Variants in ATRX observed in about 807,000 individuals in gnomAD.
ATRX encodes the protein chromatin remodeler ATRX.
ATRX carries 12 observed loss-of-function variants against 172.6 expected under a neutral mutation model. The observed-to-expected ratio is 0.07, with a 90% CI of 0.04 to 0.11. ATRX has a LOEUF of 0.11. Ranked by LOEUF, ATRX falls within the 10% of genes least tolerant of loss-of-function variation. The pLI, the probability that ATRX is intolerant of heterozygous loss-of-function variation, is 1.00. For synonymous variants in ATRX, 674 were observed against 594.7 expected (o/e 1.13, Z -1.94); for missense variants, 1,368 against 1,767.4 (o/e 0.77, Z 4.05).
At chrX:77,742,466 G>A (rs2074912493) in intron 1 of ATRX, among the ~76,000 whole-genome samples, 1 of 111,845 alleles carries the variant, frequency 8.9e-6, no homozygotes. Flanking sequence ...CAGGGGAACT[G>A]TGAGACCCTG....
intron 1 of ATRX, among the ~76,000 whole-genome samples, chrX:77,781,173 G>A (rs1443524157): frequency 9.3e-6 from 1 of 107,628 alleles, no homozygotes; most frequent in African/African-American, 3.6e-5. Flanking sequence ...CGGGCGCGGT[G>A]GCTCACACCT....
At chrX:77,524,605 C>T (rs1056013973) in intron 30 of ATRX, among the ~76,000 whole-genome samples, 1 of 111,432 alleles carries the variant, frequency 9.0e-6, no homozygotes. Context: ...AATACTGACA[C>T]TAATTCCAAA....
At position 77,608,420 on chromosome X, in the gene ATRX, C is replaced by G. The variant is rs2067014542; in HGVS notation, c.5567-7856G>C. On this transcript the variant is annotated intron_variant, in intron 22 of 34. Transcript: ENST00000373344. ...GGCCAATGAAACAGAATAATTAACC[C>G]AGAAACAAGTTCACACACCTACAGT... is the stretch of plus-strand genomic sequence containing the variant. Among the ~76,000 whole-genome samples the G allele has an allele frequency of 3.7e-5, 4 of 108,388 alleles. No homozygotes were observed. In the South Asian group the frequency reaches 1.6e-3, roughly 44 times the overall value. The allele number at this position is 108,388 out of a possible 115,157, so 94.1% of individuals were successfully genotyped here. A position where few individuals can be genotyped will look rare whatever the true frequency, so the allele number is the denominator to read the frequency against.
At chrX:77,696,517 A>G in intron 5 of ATRX, 60 bp downstream of exon 5, 4 of 1,147,306 alleles carry the variant, frequency 3.5e-6, no homozygotes, top group Non-Finnish European at 4.8e-6. Flanking sequence ...CCAATTTTAT[A>G]AAAATGATGT....
At chrX:77,555,202 A>G (rs781903012) in intron 30 of ATRX, among the ~76,000 whole-genome samples, 13 of 111,581 alleles carry the variant, frequency 1.2e-4, no homozygotes, top group Admixed American at 4.8e-4. Flanking sequence ...TAAATAAGTC[A>G]GGAAACAACA....
chrX:77,635,374 G>A (rs782630876), intron 16 of ATRX, among the ~76,000 whole-genome samples: 5 of 111,242 alleles, frequency 4.5e-5, no homozygotes, highest in Non-Finnish European at 9.4e-5. Context: ...TGAGTTTATT[G>A]AGTCAATCAG....
intron 2 of ATRX, among the ~76,000 whole-genome samples, chrX:77,701,991 AG>A (rs1221953023): frequency 2.7e-5 from 3 of 111,198 alleles, no homozygotes; most frequent in Non-Finnish European, 5.7e-5. Flanking sequence ...ACTTGAACCC[AG>A]GGGGTAGAGG....
intron 19 of ATRX, among the ~76,000 whole-genome samples, chrX:77,628,995 C>T (rs1178008976): frequency 1.8e-5 from 2 of 112,196 alleles, no homozygotes; most frequent in Non-Finnish European, 3.8e-5. Flanking sequence ...AAGATGAACA[C>T]TACTATCTTA....
At chrX:77,697,036 C>T (rs2072224943) in intron 4 of ATRX, among the ~76,000 whole-genome samples, 2 of 111,948 alleles carry the variant, frequency 1.8e-5, no homozygotes, top group Non-Finnish European at 3.8e-5. Context: ...CAATGAAAGT[C>T]CAATAGACTA....
chrX:77,705,121 G>A (rs1337557791), intron 2 of ATRX, among the ~76,000 whole-genome samples: 2 of 110,879 alleles, frequency 1.8e-5, no homozygotes, highest in African/African-American at 3.3e-5. Context: ...CTGCCTGCTC[G>A]TGGAGCAGAA....
rs782750126 is a variant in ATRX at position 77,682,007 on chromosome X, C to T, written c.3249G>A (p.Lys1083=). The change falls in exon 9 of 35, where the codon AAG becomes AAA. Residue 1083 remains lysine (K), a synonymous_variant. Coordinates refer to ENST00000373344, the MANE Select transcript of ATRX (RefSeq NM_000489.6). The stretch of plus-strand genomic sequence containing the variant: ...TCTTCTCTCTACCATATGCTCCATT[C>T]TTACTCTTTTTATCCTCTGAAGAGT... ...SCDSSEDKKS[K]NGAYGREKKR... is the part of the protein sequence containing the mutation. 8.3e-7 allele frequency: 1 copy of T among 1,211,025 alleles called. No individual in the cohort carries two copies. The highest frequency in any genetic ancestry group is 2.2e-5 in the Admixed American group (1 of 45,996).
chrX:77,772,309 CAAAAAAA>C (rs782216980), intron 1 of ATRX, among the ~76,000 whole-genome samples: 6 of 56,870 alleles, frequency 1.1e-4, no homozygotes, highest in Non-Finnish European at 2.0e-4. Context: ...GAATCCGTCT[CAAAAAAA>C]AAAAAAAAAG....
intron 1 of ATRX, among the ~76,000 whole-genome samples, chrX:77,739,022 C>T (rs1356559716): frequency 1.8e-5 from 2 of 110,991 alleles, no homozygotes; most frequent in Admixed American, 1.9e-4. Context: ...CTGGGGAATA[C>T]GTGGTATTTG....
At chrX:77,746,863 G>A (rs782783524) in intron 1 of ATRX, among the ~76,000 whole-genome samples, 4 of 110,969 alleles carry the variant, frequency 3.6e-5, no homozygotes, top group East Asian at 2.9e-4. Context: ...GCAGTGGCGC[G>A]ATCTCGGCTC....
intron 1 of ATRX, among the ~76,000 whole-genome samples, chrX:77,757,684 T>C (rs950504464): frequency 9.1e-6 from 1 of 109,540 alleles, no homozygotes; most frequent in South Asian, 4.0e-4. Flanking sequence ...TTTTTTTTTT[T>C]TTTTGGAGAC....
In ATRX at chrX:77,534,245, G is replaced by A. The variant is rs782743008; in HGVS notation, c.6700-10844C>T. 7.2e-5 allele frequency among the ~76,000 whole-genome samples: 8 copies of A among 111,668 alleles called. No individual in the cohort carries two copies. In the South Asian group the frequency reaches 3.0e-3, roughly 41 times the overall value. ...TAAGACATGAATAAGAGAAAAAAAA[G>A]ACATAGGATTTCTGATACAAACTGT... is the stretch of plus-strand genomic sequence containing the variant. On this transcript the variant is annotated intron_variant, in intron 30 of 34. Transcript: ENST00000373344.
At chrX:77,735,637 A>AATAAATAAATAT (rs1422350357) in intron 1 of ATRX, among the ~76,000 whole-genome samples, 2 of 86,504 alleles carry the variant, frequency 2.3e-5, no homozygotes, top group Non-Finnish European at 4.5e-5. Flanking sequence ...TAAATAAATA[A>AATAAATAAATAT]AAATAAATAC....
At chrX:77,661,740 A>T (rs1557122800) in intron 12 of ATRX, among the ~76,000 whole-genome samples, 11 of 110,913 alleles carry the variant, frequency 9.9e-5, no homozygotes, top group Non-Finnish European at 2.1e-4. Flanking sequence ...TTTAACATAA[A>T]ATGACCTTCC....
intron 1 of ATRX, among the ~76,000 whole-genome samples, chrX:77,720,711 G>A (rs1391284756): frequency 9.0e-6 from 1 of 111,621 alleles, no homozygotes. Flanking sequence ...ATAAGTCCAG[G>A]ACCAGACAGA....
Sources: allele counts gnomAD v4.1 joint callset (sites outside exome capture counted in the v4.1 genomes callset), GRCh38; gene constraint gnomAD v4.1.1; transcripts MANE v1.5; gene names NCBI Gene and HGNC (gene_info 2026-07-23, HGNC 2026-07-21).